The following DCC variants were observed in gnomAD, a reference collection of about 807,000 sequenced individuals.
The protein encoded by DCC is DCC netrin 1 receptor.
In DCC, 58 loss-of-function variants were observed where a neutral mutation model predicts 172.5. The observed-to-expected ratio is 0.34, with a 90% CI of 0.27 to 0.42. The LOEUF (loss-of-function observed/expected upper bound fraction) is 0.42, where lower values mean the gene tolerates loss of function less well. DCC is among the 10% of genes least tolerant of loss of function. DCC has a pLI of 1.00. For synonymous variants in DCC, 709 were observed against 644.5 expected, an observed-to-expected ratio of 1.10 and a Z score of -1.52; for missense variants, 1,740 against 1,791.0, an observed-to-expected ratio of 0.97 and a Z score of 0.51.
intron 22 of DCC, among the ~76,000 whole-genome samples, chr18:53,447,778 C>A (rs1012497437): frequency 6.6e-6 from 1 of 152,064 alleles, no homozygotes; most frequent in African/African-American, 2.4e-5. Context: ...TATTGAAATA[C>A]TACTGTAAAA....
chr18:52,643,154 A>T (rs957076367), intron 1 of DCC, among the ~76,000 whole-genome samples: 2 of 152,334 alleles, frequency 1.3e-5, no homozygotes, highest in African/African-American at 2.4e-5. Flanking sequence ...GAGAAAAATC[A>T]ATGTCTCCAG....
intron 2 of DCC, among the ~76,000 whole-genome samples, chr18:52,808,210 A>G (rs2038123924): frequency 6.6e-6 from 1 of 152,208 alleles, no homozygotes; most frequent in Admixed American, 6.5e-5. Context: ...ACCTGAATCT[A>G]TTGCTATGTC....
chr18:52,390,419 C>A (rs765215178), intron 1 of DCC, among the ~76,000 whole-genome samples: 8 of 152,054 alleles, frequency 5.3e-5, no homozygotes, highest in Non-Finnish European at 1.2e-4. Flanking sequence ...GGAAGCCTGG[C>A]AGAGGTTTAC....
At chr18:52,349,819 C>T (rs952945720) in intron 1 of DCC, among the ~76,000 whole-genome samples, 5 of 152,188 alleles carry the variant, frequency 3.3e-5, no homozygotes, top group Middle Eastern at 6.8e-3. Flanking sequence ...TTGATTTTTC[C>T]TCATACCACT....
At chr18:52,882,676 C>T (rs2039504557) in intron 2 of DCC, among the ~76,000 whole-genome samples, 1 of 151,996 alleles carries the variant, frequency 6.6e-6, no homozygotes, top group Non-Finnish European at 1.5e-5. Context: ...TGTGACCTAA[C>T]CTATGGTCTA....
At chr18:52,865,023 G>A (rs748187968) in intron 2 of DCC, among the ~76,000 whole-genome samples, 1 of 151,912 alleles carries the variant, frequency 6.6e-6, no homozygotes, top group South Asian at 2.1e-4. Flanking sequence ...CTGCCACCAC[G>A]CCTGGCTAAT....
At chr18:52,515,138 C>T (rs546801130) in intron 1 of DCC, among the ~76,000 whole-genome samples, 3 of 152,156 alleles carry the variant, frequency 2.0e-5, no homozygotes, top group East Asian at 1.9e-4. Flanking sequence ...GAAATAAACC[C>T]GCATAAATAT....
At chr18:52,704,477 A>G (rs912830748) in intron 1 of DCC, among the ~76,000 whole-genome samples, 1 of 152,232 alleles carries the variant, frequency 6.6e-6, no homozygotes, top group African/African-American at 2.4e-5. Context: ...GTTTTCAATT[A>G]TATTCAAAAT....
intron 2 of DCC, among the ~76,000 whole-genome samples, chr18:52,781,944 T>TTTC (rs1382019514): frequency 2.6e-5 from 4 of 152,156 alleles, no homozygotes; most frequent in African/African-American, 9.7e-5. Flanking sequence ...AGAGAATGAC[T>TTTC]TTCTTCATTA....
chr18:53,053,162 C>T (rs988128882), intron 5 of DCC, among the ~76,000 whole-genome samples: 1 of 151,902 alleles, frequency 6.6e-6, no homozygotes, highest in African/African-American at 2.4e-5. Context: ...CAAAAACAAA[C>T]AAACAAACAA....
intron 12 of DCC, among the ~76,000 whole-genome samples, chr18:53,289,073 C>T (rs754388396): frequency 4.6e-5 from 7 of 152,122 alleles, no homozygotes; most frequent in Non-Finnish European, 1.0e-4. Flanking sequence ...GTGGGTATCA[C>T]TGTCAACCTG....
At chr18:52,465,768 T>A (rs532129300) in intron 1 of DCC, among the ~76,000 whole-genome samples, 1 of 149,690 alleles carries the variant, frequency 6.7e-6, no homozygotes, top group South Asian at 2.1e-4. Flanking sequence ...GTTTAGTTAA[T>A]GCTGAAAATG....
intron 14 of DCC, among the ~76,000 whole-genome samples, chr18:53,338,932 C>A (rs891653308): frequency 6.6e-6 from 1 of 152,184 alleles, no homozygotes; most frequent in Admixed American, 6.5e-5. Context: ...ATCTCAAAAT[C>A]TCACAGACAG....
intron 9 of DCC, among the ~76,000 whole-genome samples, chr18:53,185,530 G>A (rs1418650531): frequency 6.6e-6 from 1 of 152,028 alleles, no homozygotes; most frequent in Non-Finnish European, 1.5e-5. Flanking sequence ...CTTCTTAGTA[G>A]CACTTAAAAT....
intron 5 of DCC, among the ~76,000 whole-genome samples, chr18:53,024,525 A>T (rs1451594323): frequency 6.6e-6 from 1 of 152,256 alleles, no homozygotes; most frequent in East Asian, 1.9e-4. Flanking sequence ...GAGCCCATCA[A>T]AGTAATGAGG....
At position 53,245,962 on chromosome 18, in the gene DCC, A is replaced by G. The variant is rs983102709; in HGVS notation, c.1911+30365A>G. 2.0e-5 allele frequency among the ~76,000 whole-genome samples: 3 copies of G among 152,078 alleles called. No individual in the cohort carries two copies. The South Asian group carries it at 6.2e-4, about 32-fold the overall frequency. On this transcript the variant is annotated intron_variant, in intron 12 of 28. Coordinates refer to ENST00000442544, the MANE Select transcript of DCC (RefSeq NM_005215.4). Reference sequence around the variant, plus strand: ...CAGGAGTTGGCTGAGCATTTTGGATACCTTCACAGGTCTGCCTGGGTGTCA... The same window carrying G: ...CAGGAGTTGGCTGAGCATTTTGGATGCCTTCACAGGTCTGCCTGGGTGTCA...
chr18:53,407,668 C>A (rs2093640081), intron 19 of DCC, among the ~76,000 whole-genome samples: 1 of 149,796 alleles, frequency 6.7e-6, no homozygotes, highest in African/African-American at 2.4e-5. Context: ...AGATATATTA[C>A]ATAGTAATAT....
chr18:52,944,076 G>A (rs1235261010), intron 5 of DCC, among the ~76,000 whole-genome samples: 1 of 152,150 alleles, frequency 6.6e-6, no homozygotes, highest in African/African-American at 2.4e-5. Context: ...AGTGGTTAAT[G>A]AAAATATCAA....
At chr18:52,741,777 G>A (rs1235313779) in intron 1 of DCC, among the ~76,000 whole-genome samples, 1 of 152,020 alleles carries the variant, frequency 6.6e-6, no homozygotes, top group Non-Finnish European at 1.5e-5. Context: ...GGGTGGGCTC[G>A]TCACACCTGC....
Sources: allele counts gnomAD v4.1 joint callset (sites outside exome capture counted in the v4.1 genomes callset), GRCh38; gene constraint gnomAD v4.1.1; transcripts MANE v1.5; gene names NCBI Gene and HGNC (gene_info 2026-07-23, HGNC 2026-07-21).